Variants in SETD5 observed in about 807,000 individuals in gnomAD.
SETD5 encodes SET domain containing 5.
In SETD5, 44 loss-of-function variants were observed where a neutral mutation model predicts 153.3. The ratio of observed to expected loss-of-function variants is 0.29; its 90% CI spans 0.23 to 0.37. The LOEUF (loss-of-function observed/expected upper bound fraction) is 0.37, where lower values mean the gene tolerates loss of function less well. Ranked by LOEUF, SETD5 falls within the 10% of genes least tolerant of loss-of-function variation. SETD5 has a pLI of 1.00. For missense variants in SETD5, 1,544 were observed against 1,768.0 expected, an observed-to-expected ratio of 0.87 and a Z score of 2.27; for synonymous variants, 716 against 645.2, an observed-to-expected ratio of 1.11 and a Z score of -1.66.
At position 9,476,128 on chromosome 3, in the gene SETD5, C is replaced by G; in HGVS notation, c.*37C>G. 3.2e-6 allele frequency: 5 copies of G among 1,586,064 alleles called. No homozygotes were observed. Among genetic ancestry groups the G allele is most frequent in the Non-Finnish European group, 4.3e-6 (5 of 1,163,744 alleles). On this transcript the variant is annotated 3_prime_UTR_variant, in exon 23 of 23. Transcript: ENST00000402198. ...TTGGGCAAACAGAACTGAATGAGCC[C>G]ATAGCTGCTTCCTTCCAGCTGCCTC...
chr3:9,426,261 G>C (rs1461643915), intron 2 of SETD5: 1 of 80,286 alleles, frequency 1.2e-5, no homozygotes, highest in East Asian at 4.3e-4. Flanking sequence ...TTGGCAACAG[G>C]GACTCACTTT....
intron 1 of SETD5, among the ~76,000 whole-genome samples, chr3:9,421,351 T>C (rs895380860): frequency 3.3e-5 from 5 of 152,080 alleles, no homozygotes; most frequent in Middle Eastern, 3.2e-3. Flanking sequence ...TTGCCCAGGC[T>C]GGTCTTAAAC....
chr3:9,414,518 G>T (rs559265017), intron 1 of SETD5, among the ~76,000 whole-genome samples: 1 of 152,156 alleles, frequency 6.6e-6, no homozygotes, highest in South Asian at 2.1e-4. Flanking sequence ...AGGGATCTTG[G>T]TTTCCCTTTT....
chr3:9,440,844 A>C, intron 8 of SETD5, 146 bp downstream of exon 8: 2 of 1,021,500 alleles, frequency 2.0e-6, no homozygotes, highest in Non-Finnish European at 2.8e-6. Context: ...ATGTAACCAA[A>C]AGTAGGTTAT....
intron 15 of SETD5, 56 bp from the exon 16 acceptor site, chr3:9,448,332 A>C: frequency 6.3e-7 from 1 of 1,575,896 alleles, no homozygotes; most frequent in Non-Finnish European, 8.6e-7. Context: ...GTTTGTCTTT[A>C]TGAACTACAC....
intron 20 of SETD5, 106 bp downstream of exon 20, chr3:9,473,643 A>G: frequency 8.7e-7 from 1 of 1,150,640 alleles, no homozygotes; most frequent in Non-Finnish European, 1.2e-6. Flanking sequence ...CTTGATGGGA[A>G]CATCTGAGAC....
intron 17 of SETD5, among the ~76,000 whole-genome samples, chr3:9,457,285 G>A (rs1039972650): frequency 6.6e-6 from 1 of 151,980 alleles, no homozygotes; most frequent in African/African-American, 2.4e-5. Flanking sequence ...TCAGGAGATC[G>A]AGACCATCCT....
intron 17 of SETD5, among the ~76,000 whole-genome samples, chr3:9,460,245 A>G (rs1021955031): frequency 3.3e-5 from 5 of 151,536 alleles, no homozygotes; most frequent in Admixed American, 1.3e-4. Flanking sequence ...AGGGAGAGAT[A>G]CGTTTTATTC....
Position 9,435,913 on chromosome 3 carries a change from A to G in SETD5, c.567+7A>G, listed in dbSNP as rs1024783575. ...AAAGACGAAGAAAATCAAGGTATGC[A>G]GGGTAAAAATATCTTAAATAGAAAT... On this transcript the variant is annotated splice_region_variant and intron_variant, in intron 7 of 22. Transcript: ENST00000402198. The G allele has an allele frequency of 1.5e-5, 23 of 1,562,620 alleles. No homozygotes were observed. Among genetic ancestry groups the G allele is most frequent in the South Asian group, 2.4e-5 (2 of 83,572 alleles).
intron 1 of SETD5, among the ~76,000 whole-genome samples, chr3:9,405,219 G>A (rs1055527956): frequency 1.2e-4 from 18 of 152,214 alleles, no homozygotes; most frequent in Admixed American, 6.5e-4. Flanking sequence ...TTCGTTGGCC[G>A]TTCACAGTCA....
intron 1 of SETD5, among the ~76,000 whole-genome samples, chr3:9,415,471 A>G (rs1289355604): frequency 6.6e-6 from 1 of 152,248 alleles, no homozygotes; most frequent in African/African-American, 2.4e-5. Context: ...GCTTCTAGGA[A>G]GACAAATGTG....
intron 7 of SETD5, among the ~76,000 whole-genome samples, chr3:9,439,978 A>G (rs949973830): frequency 6.6e-6 from 1 of 152,200 alleles, no homozygotes; most frequent in Non-Finnish European, 1.5e-5. Context: ...TGATACAAAA[A>G]CATGCATTCT....
chr3:9,475,853 C>G lies in SETD5; in HGVS notation c.4091C>G (p.Ser1364Cys), dbSNP rs1469942173. The G allele has an allele frequency of 5.0e-6, 8 of 1,614,038 alleles. No homozygotes were observed. Among genetic ancestry groups the G allele is most frequent in the East Asian group, 2.2e-5 (1 of 44,880 alleles). The change falls in exon 23 of 23, where the codon TCC (serine) becomes TGC (cysteine). Residue 1364 changes from serine to cysteine, a missense_variant. Ser to Cys is a moderately radical substitution (Grantham distance 112). This residue lies in a region of SETD5 where 302 missense variants were observed against 277.6 expected (regional missense o/e 1.09). Transcript: ENST00000402198. The part of the protein sequence containing the change: ...DSPTSDSVSQ[S>C]STGTLSSTSF... ...CCAACCTCAGATTCAGTTTCTCAGT[C>G]CAGCACAGGAACTCTGAGTTCCACC...
At position 9,475,833 on chromosome 3, in the gene SETD5, C is replaced by A. The variant is rs764660583; in HGVS notation, c.4071C>A (p.Thr1357=). ...TGCAGGGACCCTCAGACTCGCCAAC[C>A]TCAGATTCAGTTTCTCAGTCCAGCA... The part of the protein sequence containing the change: ...PTLQGPSDSP[T]SDSVSQSSTG... Residue 1357 remains threonine, a synonymous_variant, in exon 23 of 23, where the codon ACC becomes ACA. Transcript: ENST00000402198. The A allele has an allele frequency of 6.2e-7, 1 of 1,614,036 alleles. No individual in the cohort carries two copies. Among genetic ancestry groups the A allele is most frequent in the African/African-American group, 1.3e-5 (1 of 75,058 alleles).
intron 7 of SETD5, among the ~76,000 whole-genome samples, chr3:9,437,635 T>C (rs1406434284): frequency 6.6e-6 from 1 of 152,060 alleles, no homozygotes; most frequent in Non-Finnish European, 1.5e-5. Context: ...AATTCAAGTT[T>C]ATGAGTATTC....
intron 18 of SETD5, among the ~76,000 whole-genome samples, chr3:9,469,963 C>A (rs1222605472): frequency 6.6e-6 from 1 of 152,182 alleles, no homozygotes; most frequent in Non-Finnish European, 1.5e-5. Context: ...TAAGTACTTG[C>A]CTTTCCGTCT....
intron 1 of SETD5, among the ~76,000 whole-genome samples, chr3:9,401,081 G>A (rs1216500309): frequency 6.6e-6 from 1 of 152,166 alleles, no homozygotes; most frequent in African/African-American, 2.4e-5. Context: ...GGCATTTGTG[G>A]CAGAGAACCA....
intron 13 of SETD5, among the ~76,000 whole-genome samples, chr3:9,445,988 T>TTTTTTTTTTTTTTTTTTTTTTA (rs1260243657): frequency 6.9e-6 from 1 of 145,620 alleles, no homozygotes; most frequent in African/African-American, 2.6e-5. Context: ...TTTTTTTTTT[T>TTTTTTTTTTTTTTTTTTTTTTA]ACTAACAATC....
chr3:9,452,134 C>T (rs1186903862), intron 16 of SETD5, among the ~76,000 whole-genome samples: 1 of 152,142 alleles, frequency 6.6e-6, no homozygotes. Flanking sequence ...TTCTAGAATA[C>T]TCCTGTTCTG....
Sources: gnomAD v4.1 joint callset for allele counts (sites outside exome capture counted in the v4.1 genomes callset) on GRCh38, gnomAD v4.1.1 for gene constraint, gnomAD v4.1.1 regional missense constraint, MANE v1.5 for transcripts, NCBI Gene and HGNC (gene_info 2026-07-23, HGNC 2026-07-21) for gene names.